ADAMTS9: variants seen among roughly 807,000 people sequenced by gnomAD.
ADAMTS9 encodes the protein ADAM metallopeptidase with thrombospondin type 1 motif 9.
In ADAMTS9, 107 loss-of-function variants were observed where a neutral mutation model predicts 257.1. That is an observed-to-expected ratio of 0.42 (90% CI 0.36 to 0.49). The LOEUF (loss-of-function observed/expected upper bound fraction) is 0.49, where lower values mean the gene tolerates loss of function less well. ADAMTS9 is among the 20% of genes least tolerant of loss of function. ADAMTS9 has a pLI of 0.03. For synonymous variants in ADAMTS9, 982 were observed against 880.9 expected, an observed-to-expected ratio of 1.11 and a Z score of -2.03; for missense variants, 2,353 against 2,469.1, an observed-to-expected ratio of 0.95 and a Z score of 1.00.
intron 3 of ADAMTS9, among the ~76,000 whole-genome samples, chr3:64,674,549 A>C (rs1363174431): frequency 6.6e-6 from 1 of 152,238 alleles, no homozygotes; most frequent in Non-Finnish European, 1.5e-5. Flanking sequence ...GTGCTTCCAC[A>C]TTGCCAAGTA....
intron 4 of ADAMTS9, among the ~76,000 whole-genome samples, chr3:64,656,209 T>C (rs1018644611): frequency 2.6e-5 from 4 of 152,344 alleles, no homozygotes; most frequent in East Asian, 3.9e-4. Flanking sequence ...TGCCAACTTA[T>C]AGAATCTCAC....
At chr3:64,578,020 G>T in intron 28 of ADAMTS9, among the ~76,000 whole-genome samples, 1 of 152,226 alleles carries the variant, frequency 6.6e-6, no homozygotes, top group Middle Eastern at 3.4e-3. Context: ...TAACATTTTC[G>T]GGAAGCAGCT....
chr3:64,566,218 G>A (rs1576029926), intron 29 of ADAMTS9, among the ~76,000 whole-genome samples: 1 of 152,134 alleles, frequency 6.6e-6, no homozygotes, highest in African/African-American at 2.4e-5. Context: ...GGATCATTAG[G>A]AAGCCAATAA....
At chr3:64,639,065 C>T (rs908301492) in intron 12 of ADAMTS9, among the ~76,000 whole-genome samples, 5 of 151,992 alleles carry the variant, frequency 3.3e-5, no homozygotes, top group Non-Finnish European at 7.4e-5. Context: ...ACATAATGAA[C>T]CATCTGCTCT....
rs544821451 is a variant in ADAMTS9, at chr3:64,600,250, C to T, written c.4017+1694G>A. Among the ~76,000 whole-genome samples the T allele has an allele frequency of 2.6e-5, 4 of 152,178 alleles. No individual in the cohort carries two copies. The East Asian group carries it at 7.7e-4, about 29-fold the overall frequency. On this transcript the variant is annotated intron_variant, in intron 26 of 39. Transcript: ENST00000498707. Reference sequence around the variant, plus strand: ...GACCATGTACAGTTTGTGTACCATGCAATGCAATGCAAAGATGACGTACAT... The same window carrying T: ...GACCATGTACAGTTTGTGTACCATGTAATGCAATGCAAAGATGACGTACAT...
intron 29 of ADAMTS9, among the ~76,000 whole-genome samples, chr3:64,565,034 G>C (rs1006748338): frequency 1.3e-5 from 2 of 152,186 alleles, no homozygotes; most frequent in Non-Finnish European, 2.9e-5. Context: ...CAGTGAGGGT[G>C]TGGGTGAGAG....
intron 4 of ADAMTS9, among the ~76,000 whole-genome samples, chr3:64,657,268 T>G (rs1701099330): frequency 6.6e-6 from 1 of 152,128 alleles, no homozygotes; most frequent in Non-Finnish European, 1.5e-5. Flanking sequence ...ATGTGAAATA[T>G]CTCATTAATA....
chr3:64,608,048 A>G (rs2084590120), intron 22 of ADAMTS9, among the ~76,000 whole-genome samples: 1 of 152,136 alleles, frequency 6.6e-6, no homozygotes, highest in African/African-American at 2.4e-5. Context: ...AACAGAAATC[A>G]TAAGGGATAT....
At position 64,648,006 on chromosome 3, in the gene ADAMTS9, T is replaced by A; in HGVS notation, c.1644A>T (p.Gly548=). The A allele has an allele frequency of 6.2e-7, 1 of 1,613,610 alleles. No individual in the cohort carries two copies. The highest frequency in any genetic ancestry group is 8.5e-7 in the Non-Finnish European group (1 of 1,179,978). ...GCTGAGTCCGGCAGCCTTTGTGTAC[T>A]CCATTGACGTTATTGCACCAGAGCC... ...CRRLWCNNVN[G]VHKGCRTQHT... is the part of the protein sequence containing the mutation. The change falls in exon 11 of 40, where the codon GGA becomes GGT. Residue 548 remains glycine (G), a synonymous_variant. Coordinates refer to ENST00000498707, the MANE Select transcript of ADAMTS9 (RefSeq NM_182920.2).
At position 64,613,574 on chromosome 3, in the gene ADAMTS9, T is replaced by C. The variant is rs748487117; in HGVS notation, c.3190-65A>G. ...CAATGTGTTGTGGTTTCTGGGGTTA[T>C]TTATTGATGAGTAGGAACAGGTGTG... On this transcript the variant is annotated intron_variant, in intron 21 of 39. Transcript: ENST00000498707. 27 of 1,509,052 alleles carry C rather than the reference T, an allele frequency of 1.8e-5. No homozygotes were observed. The African/African-American group carries it at 2.6e-4, about 15-fold the overall frequency. The allele number at this position is 1,509,052 out of a possible 1,614,324, so 93.5% of individuals were successfully genotyped here.
intron 3 of ADAMTS9, among the ~76,000 whole-genome samples, chr3:64,673,617 G>C: frequency 6.6e-6 from 1 of 151,916 alleles, no homozygotes; most frequent in East Asian, 1.9e-4. Context: ...GGCATTTTGG[G>C]GACAATGAGA....
At chr3:64,635,626 C>T (rs892735662) in intron 12 of ADAMTS9, among the ~76,000 whole-genome samples, 1 of 152,108 alleles carries the variant, frequency 6.6e-6, no homozygotes, top group Non-Finnish European at 1.5e-5. Context: ...AGTGACAGGA[C>T]GTTTAGAGAA....
At chr3:64,533,387 T>A in intron 37 of ADAMTS9, 117 bp from the exon 38 acceptor site, 1 of 756,816 alleles carries the variant, frequency 1.3e-6, no homozygotes, top group Non-Finnish European at 2.3e-6. Context: ...TGATTAATTG[T>A]GATAGCTACT....
chr3:64,622,114 G>T, intron 18 of ADAMTS9, 84 bp downstream of exon 18: 2 of 1,383,032 alleles, frequency 1.4e-6, no homozygotes, highest in South Asian at 1.6e-5. Flanking sequence ...TTTGCAGTTT[G>T]CATGCATTTG....
At position 64,686,381 on chromosome 3, in the gene ADAMTS9, T is replaced by C. The variant is rs1393893170; in HGVS notation, c.516+187A>G. Among the ~76,000 whole-genome samples the C allele has an allele frequency of 6.6e-6, 1 of 152,232 alleles. No individual in the cohort carries two copies. The highest frequency in any genetic ancestry group is 6.5e-5 in the Admixed American group (1 of 15,284). ...AGCCCCTGGGGGCGGGTGTGTGCGC[T>C]CCACGCCAGTGTACTCGCACGCACA... On this transcript the variant is annotated intron_variant, in intron 2 of 39. Transcript: ENST00000498707. The surrounding 1 kb of genome is among the most constrained non-coding windows in gnomAD (Gnocchi z 4.6).
chr3:64,522,381 C>G, intron 38 of ADAMTS9, 121 bp from the exon 39 acceptor site: 1 of 792,160 alleles, frequency 1.3e-6, no homozygotes, highest in Non-Finnish European at 2.1e-6. Context: ...TGATGTGAAG[C>G]CCAACATACT....
At chr3:64,586,473 A>G (rs2084156119) in intron 28 of ADAMTS9, among the ~76,000 whole-genome samples, 1 of 152,108 alleles carries the variant, frequency 6.6e-6, no homozygotes, top group Admixed American at 6.6e-5. Context: ...GTGCATAGTC[A>G]ACCTGAGAGT....
At position 64,655,730 on chromosome 3, in the gene ADAMTS9, G is replaced by A. The variant is rs199674920; in HGVS notation, c.1054-39C>T. ...AGAATTATGGTTAATCTGTTGTACC[G>A]ATCCCAATTAGATATGCCATTTCGG... On this transcript the variant is annotated intron_variant, in intron 5 of 39. Transcript: ENST00000498707. 1.2e-4 allele frequency: 192 copies of A among 1,590,830 alleles called. 1 individual carries two copies. The East Asian group carries it at 4.0e-3, about 33-fold the overall frequency.
At chr3:64,589,820 G>A (rs1576088481) in intron 28 of ADAMTS9, 1 of 152,182 alleles carries the variant, frequency 6.6e-6, no homozygotes, top group East Asian at 1.9e-4. Flanking sequence ...CAAGGTAGTT[G>A]TTGTAGTATT....
Sources: gnomAD v4.1 joint callset for allele counts (sites outside exome capture counted in the v4.1 genomes callset) on GRCh38, gnomAD v4.1.1 for gene constraint, Gnocchi (gnomAD v3.1) non-coding constraint, MANE v1.5 for transcripts, NCBI Gene and HGNC (gene_info 2026-07-23, HGNC 2026-07-21) for gene names.